Variants in FYB2 observed in about 807,000 individuals in gnomAD.
FYB2 encodes the protein FYN-binding protein 2.
Under a neutral mutation model 94.1 loss-of-function variants are expected in FYB2, and 103 were observed. That is an observed-to-expected ratio of 1.09 (90% CI 0.93 to 1.29). The LOEUF is 1.29. Ranked by LOEUF, FYB2 falls within the 50% of genes most tolerant of loss-of-function variation. The pLI is 0.00. For missense variants in FYB2, 896 were observed against 841.5 expected, an observed-to-expected ratio of 1.06 and a Z score of -0.80; for synonymous variants, 293 against 287.9, an observed-to-expected ratio of 1.02 and a Z score of -0.18.
intron 11 of FYB2, among the ~76,000 whole-genome samples, chr1:56,743,033 G>T (rs1047876755): frequency 2.6e-5 from 4 of 151,992 alleles, no homozygotes; most frequent in Non-Finnish European, 5.9e-5. Flanking sequence ...AGTCAAGCCA[G>T]TTAATGTATT....
rs367786312 is a variant in FYB2, at chr1:56,720,157, A to G, written c.2131+16T>C. On this transcript the variant is annotated intron_variant, in intron 18 of 19. Transcript: ENST00000343433. ...AAAAGAATGAAATATTATGAAAGAT[A>G]AGCAAATAAACTTACATTTGCCTTT... The G allele has an allele frequency of 1.3e-6, 2 of 1,598,306 alleles. No individual in the cohort carries two copies. The highest frequency in any genetic ancestry group is 1.3e-5 in the African/African-American group (1 of 74,162).
At chr1:56,769,533 TATTATTTTCCATAATAATAATATGGAA>T (rs1360084306) in intron 4 of FYB2, among the ~76,000 whole-genome samples, 1 of 152,174 alleles carries the variant, frequency 6.6e-6, no homozygotes, top group East Asian at 1.9e-4. Flanking sequence ...ATAGCTATAC[TATTATTTTCCATAATAATAATATGGAA>T]AGTAGTGGAA....
upstream of FYB2, chr1:56,823,762 C>G (rs1270322862): frequency 6.6e-6 from 1 of 152,144 alleles, no homozygotes; most frequent in East Asian, 1.9e-4. Flanking sequence ...TGTAGCAACC[C>G]TTTTGGTTCT....
At chr1:56,735,496 A>G (rs1044475352) in intron 15 of FYB2, among the ~76,000 whole-genome samples, 2 of 152,146 alleles carry the variant, frequency 1.3e-5, no homozygotes, top group African/African-American at 4.8e-5. Flanking sequence ...AGGATACAAT[A>G]TACAGTGAGA....
At chr1:56,793,818 C>T (rs934865448) in intron 1 of FYB2, among the ~76,000 whole-genome samples, 1 of 149,576 alleles carries the variant, frequency 6.7e-6, no homozygotes, top group South Asian at 2.1e-4. Flanking sequence ...TTGGTACTTC[C>T]ATAGCTTTTT....
chr1:56,733,891 T>G (rs897146049), intron 15 of FYB2, among the ~76,000 whole-genome samples: 2 of 152,172 alleles, frequency 1.3e-5, no homozygotes, highest in African/African-American at 4.8e-5. Context: ...TATATTCTGT[T>G]GATTTGGGGT....
intron 17 of FYB2, chr1:56,720,905 C>G (rs1488744368): frequency 6.6e-6 from 1 of 152,124 alleles, no homozygotes; most frequent in Admixed American, 6.6e-5. Flanking sequence ...ATTACTAAAA[C>G]CTCTGTGTAG....
chr1:56,719,771 T>G, intron 19 of FYB2, 79 bp from the exon 20 acceptor site: 1 of 1,296,802 alleles, frequency 7.7e-7, no homozygotes, highest in Non-Finnish European at 1.1e-6. Context: ...CTAGGGAATT[T>G]CTGATCTAGT....
intron 6 of FYB2, among the ~76,000 whole-genome samples, chr1:56,757,721 TC>T (rs1645382055): frequency 8.1e-6 from 1 of 123,688 alleles, no homozygotes; most frequent in South Asian, 2.8e-4. Context: ...TTTCTTTCTT[TC>T]TTTCTTTCTT....
At chr1:56,758,904 A>G (rs1645422150) in intron 5 of FYB2, among the ~76,000 whole-genome samples, 154 bp from the exon 6 acceptor site, 1 of 152,206 alleles carries the variant, frequency 6.6e-6, no homozygotes, top group Non-Finnish European at 1.5e-5. Context: ...AAGTTTGGGA[A>G]ATTATGGGGT....
intron 1 of FYB2, among the ~76,000 whole-genome samples, chr1:56,796,727 T>C (rs1386786639): frequency 1.3e-5 from 2 of 152,156 alleles, no homozygotes; most frequent in Non-Finnish European, 2.9e-5. Flanking sequence ...GCTTTCTTCC[T>C]TCTAGCCTCA....
rs548133521 is a variant in FYB2, at chr1:56,791,919, C to T, written c.757+137G>A. On this transcript the variant is annotated intron_variant, in intron 2 of 19. Transcript: ENST00000343433. Reference sequence around the variant, plus strand: ...CCGAGGTTACAATTTAGCAGATGGGCCTAGAATATCACGTGGAGAGTCTGG... The same window carrying T: ...CCGAGGTTACAATTTAGCAGATGGGTCTAGAATATCACGTGGAGAGTCTGG... 9.6e-6 allele frequency: 12 copies of T among 1,250,420 alleles called. No individual in the cohort carries two copies. The Admixed American group carries it at 2.4e-4, about 25-fold the overall frequency. 77.5% of individuals were successfully genotyped at this position (1,250,420 alleles called of 1,614,324 possible). A position where few individuals can be genotyped will look rare whatever the true frequency, so the allele number is the denominator to read the frequency against.
intron 17 of FYB2, among the ~76,000 whole-genome samples, chr1:56,721,251 G>T (rs1334145752): frequency 6.6e-6 from 1 of 152,046 alleles, no homozygotes; most frequent in Non-Finnish European, 1.5e-5. Flanking sequence ...ACGCAGCTTA[G>T]ATTACAGGTA....
intron 4 of FYB2, among the ~76,000 whole-genome samples, chr1:56,783,917 G>A (rs1032486011): frequency 6.6e-6 from 1 of 152,084 alleles, no homozygotes; most frequent in Non-Finnish European, 1.5e-5. Flanking sequence ...CCCTTGCTGG[G>A]AGGTTACATA....
At chr1:56,787,454 C>T (rs1646158396) in intron 3 of FYB2, among the ~76,000 whole-genome samples, 1 of 152,232 alleles carries the variant, frequency 6.6e-6, no homozygotes. Context: ...ACTTTGACCT[C>T]CTTAAAGACC....
intron 6 of FYB2, among the ~76,000 whole-genome samples, chr1:56,757,157 T>C (rs1645353069): frequency 6.6e-6 from 1 of 152,054 alleles, no homozygotes; most frequent in Non-Finnish European, 1.5e-5. Flanking sequence ...AAACAGAAAA[T>C]TGGGATAAAA....
Position 56,737,150 on chromosome 1 carries a change from A to T in FYB2, c.1733-3T>A. 6.2e-7 allele frequency: 1 copy of T among 1,602,250 alleles called. No individual in the cohort carries two copies. ...AATAACTTCCTGAGACTTAAGTTCT[A>T]GGGTCAAGACAGAATCAAAATAGTC... On this transcript the variant is annotated splice_polypyrimidine_tract_variant and splice_region_variant and intron_variant, in intron 14 of 19. Coordinates refer to ENST00000343433, the MANE Select transcript of FYB2 (RefSeq NM_001004303.5).
intron 5 of FYB2, among the ~76,000 whole-genome samples, chr1:56,761,637 A>G (rs1570044790): frequency 1.3e-5 from 2 of 152,166 alleles, no homozygotes; most frequent in South Asian, 2.1e-4. Context: ...CAAGTTCTGT[A>G]TAAAAGAGAT....
chr1:56,757,843 C>T (rs1225815673), intron 6 of FYB2, among the ~76,000 whole-genome samples: 6 of 150,462 alleles, frequency 4.0e-5, no homozygotes, highest in African/African-American at 4.9e-5. Context: ...AATATCGGCT[C>T]GCTGCAACCT....
Sources: allele counts gnomAD v4.1 joint callset (sites outside exome capture counted in the v4.1 genomes callset), GRCh38; gene constraint gnomAD v4.1.1; transcripts MANE v1.5; gene names NCBI Gene and HGNC (gene_info 2026-07-23, HGNC 2026-07-21).